Variants in IMMP2L observed in about 807,000 individuals in gnomAD.
IMMP2L encodes mitochondrial inner membrane protease subunit 2.
A neutral mutation model predicts 19.3 loss-of-function variants in IMMP2L; 18 were observed. The observed-to-expected ratio is 0.93, with a 90% CI of 0.64 to 1.38. The LOEUF is 1.38. Among genes scored for constraint, IMMP2L ranks in the 40% most tolerant of loss-of-function variants. The probability of loss-of-function intolerance (pLI) is 0.00; values close to 1 mark genes in which losing one functional copy is unlikely to be tolerated. For missense variants in IMMP2L, 233 were observed against 218.2 expected (o/e 1.07, Z -0.43); for synonymous variants, 76 against 73.0 (o/e 1.04, Z -0.21).
At chr7:111,484,694 C>T (rs1448026932) in intron 3 of IMMP2L, among the ~76,000 whole-genome samples, 1 of 152,062 alleles carries the variant, frequency 6.6e-6, no homozygotes, top group African/African-American at 2.4e-5. Context: ...TTATGAACTG[C>T]AATCAAACCA....
intron 5 of IMMP2L, among the ~76,000 whole-genome samples, chr7:110,861,384 A>G (rs1247925306): frequency 6.6e-6 from 1 of 151,762 alleles, no homozygotes; most frequent in African/African-American, 2.4e-5. Flanking sequence ...GGCTTAGGTA[A>G]TCCTCCCGAG....
At chr7:110,856,193 C>T (rs1412443881) in intron 5 of IMMP2L, among the ~76,000 whole-genome samples, 5 of 151,930 alleles carry the variant, frequency 3.3e-5, no homozygotes, top group Non-Finnish European at 7.4e-5. Context: ...ACTAAAGACA[C>T]TCATCGTCAA....
In IMMP2L at chr7:110,760,610, T is replaced by G. The variant is rs144749478; in HGVS notation, c.409-96889A>C. Among the ~76,000 whole-genome samples, 2 of 152,256 alleles carry G rather than the reference T, an allele frequency of 1.3e-5. No homozygotes were observed. Among genetic ancestry groups the G allele is most frequent in the East Asian group, 3.9e-4 (2 of 5,160 alleles). On this transcript the variant is annotated intron_variant, in intron 5 of 5. Transcript: ENST00000405709. The surrounding 1 kb of genome is among the most constrained non-coding windows in gnomAD (Gnocchi z 4.2). ...GTTCCTAGAAGATACCAATCCATAT[T>G]GAAAGGGAGCAACGTGTTGGTTACG...
At chr7:111,108,193 C>A (rs779056034) in intron 3 of IMMP2L, among the ~76,000 whole-genome samples, 7 of 152,142 alleles carry the variant, frequency 4.6e-5, no homozygotes, top group Non-Finnish European at 7.4e-5. Context: ...TATCAGCTGG[C>A]AACAAGCATG....
intron 3 of IMMP2L, among the ~76,000 whole-genome samples, chr7:110,966,168 A>AAACCAC (rs1563118736): frequency 6.6e-6 from 1 of 152,084 alleles, no homozygotes; most frequent in South Asian, 2.1e-4. Context: ...CGTATGTTAG[A>AAACCAC]AAATATTATT....
At chr7:111,379,761 CTCA>C (rs1301671746) in intron 3 of IMMP2L, among the ~76,000 whole-genome samples, 2 of 151,828 alleles carry the variant, frequency 1.3e-5, no homozygotes, top group African/African-American at 4.8e-5. Flanking sequence ...CTACTATTTG[CTCA>C]TCAAGTAAAT....
chr7:111,463,496 A>G (rs952414313), intron 3 of IMMP2L, among the ~76,000 whole-genome samples: 7 of 152,066 alleles, frequency 4.6e-5, no homozygotes, highest in Non-Finnish European at 1.0e-4. Flanking sequence ...AGATCACAAG[A>G]CAACAGAAGA....
intron 3 of IMMP2L, among the ~76,000 whole-genome samples, chr7:111,323,100 CT>C (rs1563058108): frequency 6.6e-6 from 1 of 151,498 alleles, no homozygotes; most frequent in African/African-American, 2.4e-5. Context: ...TAGAAAAAGA[CT>C]GACAACAGAA....
At chr7:111,356,793 G>C (rs959023066) in intron 3 of IMMP2L, among the ~76,000 whole-genome samples, 3 of 152,152 alleles carry the variant, frequency 2.0e-5, no homozygotes, top group Admixed American at 2.0e-4. Context: ...TTGGGAGGCT[G>C]AGGTAGGCGG....
chr7:110,945,642 C>A (rs1253073750), intron 4 of IMMP2L, among the ~76,000 whole-genome samples: 2 of 151,896 alleles, frequency 1.3e-5, no homozygotes, highest in East Asian at 1.9e-4. Context: ...AATTTAGGAG[C>A]TGGAAGACAT....
At chr7:111,048,231 T>A (rs528235013) in intron 3 of IMMP2L, among the ~76,000 whole-genome samples, 19 of 89,114 alleles carry the variant, frequency 2.1e-4, no homozygotes, top group Admixed American at 9.0e-4. Flanking sequence ...AGAGCGAGAC[T>A]CTGTCTCAAA....
intron 5 of IMMP2L, among the ~76,000 whole-genome samples, chr7:110,717,584 C>T (rs1349347403): frequency 6.6e-6 from 1 of 152,208 alleles, no homozygotes; most frequent in East Asian, 1.9e-4. Flanking sequence ...ACTTGGAACA[C>T]AGTACATGGC....
chr7:111,013,992 G>A (rs1825237056), intron 3 of IMMP2L, among the ~76,000 whole-genome samples: 1 of 152,042 alleles, frequency 6.6e-6, no homozygotes, highest in Non-Finnish European at 1.5e-5. Flanking sequence ...AGCTTCTCAA[G>A]TCATATATTC....
At chr7:111,380,124 A>G (rs1373775795) in intron 3 of IMMP2L, among the ~76,000 whole-genome samples, 1 of 151,972 alleles carries the variant, frequency 6.6e-6, no homozygotes, top group Non-Finnish European at 1.5e-5. Flanking sequence ...TTTTATTATA[A>G]TATCTAAAAA....
At chr7:111,390,686 T>C (rs1832260710) in intron 3 of IMMP2L, 1 of 152,208 alleles carries the variant, frequency 6.6e-6, no homozygotes, top group African/African-American at 2.4e-5. Flanking sequence ...TAGCTCCTGC[T>C]GCTTGTTCCT....
intron 3 of IMMP2L, among the ~76,000 whole-genome samples, chr7:111,191,205 T>C (rs753639246): frequency 1.5e-4 from 23 of 152,112 alleles, no homozygotes; most frequent in Non-Finnish European, 2.8e-4. Context: ...TTTTGAATGA[T>C]ATTCTTTTTT....
Position 111,136,694 on chromosome 7 carries a change from G to A in IMMP2L, c.240-173129C>T, listed in dbSNP as rs560879795. On this transcript the variant is annotated intron_variant, in intron 3 of 5. Coordinates refer to ENST00000405709, the MANE Select transcript of IMMP2L (RefSeq NM_032549.4). Reference sequence around the variant, plus strand: ...CCAAATTCCTGCACTATTTTCAAATGGAAGCAAAGCCAGCTGTAAACGGAC... The same window carrying A: ...CCAAATTCCTGCACTATTTTCAAATAGAAGCAAAGCCAGCTGTAAACGGAC... Among the ~76,000 whole-genome samples, 17 of 152,256 alleles carry A rather than the reference G, an allele frequency of 1.1e-4. No homozygotes were observed. The South Asian group carries it at 3.5e-3, about 32-fold the overall frequency.
At chr7:111,539,232 AAG>A (rs1167808586) in intron 1 of IMMP2L, among the ~76,000 whole-genome samples, 2 of 127,438 alleles carry the variant, frequency 1.6e-5, no homozygotes, top group Admixed American at 7.6e-5. Flanking sequence ...GAAAGAAAGA[AAG>A]AAAGAAAGAA....
At chr7:111,057,538 T>C (rs59902560) in intron 3 of IMMP2L, among the ~76,000 whole-genome samples, 5,589 of 152,150 alleles carry the variant, frequency 0.037, 129 homozygotes, top group African/African-American at 0.058. Flanking sequence ...GTACAGAAGG[T>C]TTAACAATAT....
Sources: gnomAD v4.1 joint callset for allele counts (sites outside exome capture counted in the v4.1 genomes callset) on GRCh38, gnomAD v4.1.1 for gene constraint, Gnocchi (gnomAD v3.1) non-coding constraint, MANE v1.5 for transcripts, NCBI Gene and HGNC (gene_info 2026-07-23, HGNC 2026-07-21) for gene names.